Variants in MSN observed in about 807,000 individuals in gnomAD.
MSN encodes epididymis luminal protein 70.
MSN carries 2 observed loss-of-function variants against 48.0 expected under a neutral mutation model. The observed-to-expected ratio is 0.04, with a 90% CI of 0.02 to 0.13. MSN has a LOEUF of 0.13. MSN is among the 10% of genes least tolerant of loss of function. MSN has a pLI of 1.00. For missense variants in MSN, 267 were observed against 470.1 expected, an observed-to-expected ratio of 0.57 and a Z score of 3.99; for synonymous variants, 146 against 166.9, an observed-to-expected ratio of 0.87 and a Z score of 0.97.
In MSN at chrX:65,672,221, C is replaced by T. The variant is rs145009090; in HGVS notation, c.12+4368C>T. ...GGCTACCAACACTACCAGAGTTAGG[C>T]CTTTCATAACCATAGCTGCTGGAAA... On this transcript the variant is annotated intron_variant, in intron 1 of 12. Transcript: ENST00000360270. Among the ~76,000 whole-genome samples the T allele has an allele frequency of 1.7e-3, 187 of 112,164 alleles. 2 individuals are homozygous for T. The East Asian group carries it at 0.035, about 21-fold the overall frequency.
At chrX:65,724,351 T>A (rs2071546920) in intron 2 of MSN, among the ~76,000 whole-genome samples, 1 of 110,282 alleles carries the variant, frequency 9.1e-6, no homozygotes, top group African/African-American at 3.3e-5. Context: ...ACCATGTTGG[T>A]CAGGCTGGTC....
chrX:65,645,877 C>A (rs771394529), intron 1 of MSN, among the ~76,000 whole-genome samples: 1 of 111,700 alleles, frequency 9.0e-6, no homozygotes, highest in African/African-American at 3.2e-5. Flanking sequence ...TTCTGTAATA[C>A]CTCTTTAATC....
At chrX:65,652,434 A>C (rs2070749625) in intron 1 of MSN, among the ~76,000 whole-genome samples, 1 of 111,487 alleles carries the variant, frequency 9.0e-6, no homozygotes, top group Non-Finnish European at 1.9e-5. Context: ...TGTCACAGGA[A>C]GAGTAAGACC....
At chrX:65,720,701 G>T (rs762249641) in intron 2 of MSN, among the ~76,000 whole-genome samples, 1 of 111,927 alleles carries the variant, frequency 8.9e-6, no homozygotes, top group South Asian at 3.7e-4. Context: ...GCAGGAATTG[G>T]CAAAAGCTTT....
intron 1 of MSN, 75 bp downstream of exon 1, chrX:65,667,928 G>C: frequency 9.1e-7 from 1 of 1,101,533 alleles, no homozygotes; most frequent in Non-Finnish European, 1.2e-6. Flanking sequence ...GATGGCTGAG[G>C]GCTTGGCCAG....
chrX:65,730,747 C>T (rs2071614079), intron 4 of MSN, among the ~76,000 whole-genome samples: 1 of 110,676 alleles, frequency 9.0e-6, no homozygotes, highest in African/African-American at 3.3e-5. Context: ...AGAGAGTGTA[C>T]CTGACTCCAT....
chrX:65,716,925 C>A, intron 2 of MSN, 24 bp downstream of exon 2: 1 of 1,169,957 alleles, frequency 8.5e-7, no homozygotes, highest in Non-Finnish European at 1.2e-6. Flanking sequence ...TCCTTAGCCT[C>A]CTCTCCTTCT....
chrX:65,593,198 C>A (rs2070162216), intron 1 of MSN: 1 of 109,208 alleles, frequency 9.2e-6, no homozygotes, highest in Non-Finnish European at 1.9e-5. Flanking sequence ...TTTTTTCCTC[C>A]CTCCTTTTCC....
At chrX:65,651,980 G>A (rs758394517) in intron 1 of MSN, among the ~76,000 whole-genome samples, 5 of 107,904 alleles carry the variant, frequency 4.6e-5, no homozygotes, top group Non-Finnish European at 9.6e-5. Flanking sequence ...GCCAGGCATG[G>A]TGGCTCACGC....
chrX:65,729,974 A>G (rs1383032492), intron 4 of MSN, among the ~76,000 whole-genome samples: 1 of 112,408 alleles, frequency 8.9e-6, no homozygotes, highest in Non-Finnish European at 1.9e-5. Context: ...AGGTGCTTAT[A>G]TAGAACCAGA....
intron 1 of MSN, among the ~76,000 whole-genome samples, chrX:65,619,962 C>T (rs780682745): frequency 4.1e-4 from 45 of 110,832 alleles, no homozygotes; most frequent in Non-Finnish European, 4.1e-4. Context: ...TTGGAGTACC[C>T]GGCCGTGTGA....
intron 5 of MSN, 97 bp from the exon 6 acceptor site, chrX:65,731,741 A>T: frequency 1.0e-6 from 1 of 1,001,114 alleles, no homozygotes; most frequent in Non-Finnish European, 1.4e-6. Flanking sequence ...TCCTGATAGC[A>T]AGATCCTTGT....
chrX:65,679,119 A>G (rs1303461964), intron 1 of MSN, among the ~76,000 whole-genome samples: 1 of 111,516 alleles, frequency 9.0e-6, no homozygotes, highest in Admixed American at 9.5e-5. Flanking sequence ...TGGAGAGACA[A>G]CTGTTGACTA....
rs191134397 is a variant in MSN, at chrX:65,627,055, T to G, written c.-22+38443T>G. On this transcript the variant is annotated intron_variant, in intron 1 of 3. Coordinates refer to the MSN transcript ENST00000609672. ...TTTTCAGCTGCCTTTTTTCCCTTTT[T>G]TCCTTGATTTACTTGGTTGTTGTAA... Among the ~76,000 whole-genome samples the G allele has an allele frequency of 2.4e-4, 27 of 111,373 alleles. No homozygotes were observed. In the East Asian group the frequency reaches 5.1e-3, roughly 21 times the overall value.
At chrX:65,689,482 G>A (rs900447892) in intron 1 of MSN, among the ~76,000 whole-genome samples, 7 of 111,363 alleles carry the variant, frequency 6.3e-5, no homozygotes, top group African/African-American at 2.3e-4. Flanking sequence ...CCCTGGAGAG[G>A]TAGTTCATAG....
intron 1 of MSN, among the ~76,000 whole-genome samples, chrX:65,611,549 C>T (rs2070320950): frequency 9.0e-6 from 1 of 111,606 alleles, no homozygotes; most frequent in South Asian, 3.7e-4. Context: ...AATTTCCTTC[C>T]CTTGTAAGGC....
intron 1 of MSN, among the ~76,000 whole-genome samples, chrX:65,672,126 C>G (rs767332879): frequency 8.9e-6 from 1 of 111,871 alleles, no homozygotes; most frequent in East Asian, 2.8e-4. Context: ...TCTTAGGTCC[C>G]TTTGTATCTT....
chrX:65,683,387 G>A (rs1049852594), intron 1 of MSN, among the ~76,000 whole-genome samples: 2 of 92,662 alleles, frequency 2.2e-5, no homozygotes, highest in Non-Finnish European at 3.9e-5. Flanking sequence ...TACTGTTGCC[G>A]CCGCCGCCAC....
chrX:65,662,563 C>T (rs1300352335), intron 1 of MSN, among the ~76,000 whole-genome samples: 1 of 112,410 alleles, frequency 8.9e-6, no homozygotes, highest in Non-Finnish European at 1.9e-5. Context: ...ATAAAAGGTG[C>T]TGAGATACTT....
Sources: gnomAD v4.1 joint callset for allele counts (sites outside exome capture counted in the v4.1 genomes callset) on GRCh38, gnomAD v4.1.1 for gene constraint, MANE v1.5 for transcripts, NCBI Gene and HGNC (gene_info 2026-07-23, HGNC 2026-07-21) for gene names.